ARL15: variants seen among roughly 807,000 people sequenced by gnomAD.
ARL15 encodes ARF like GTPase 15.
Under a neutral mutation model 25.2 loss-of-function variants are expected in ARL15, and 19 were observed. That is an observed-to-expected ratio of 0.75 (90% confidence interval 0.53 to 1.10). The LOEUF (loss-of-function observed/expected upper bound fraction) is 1.10, where lower values mean the gene tolerates loss of function less well. Ranked by LOEUF, ARL15 falls within the 50% of genes least tolerant of loss-of-function variation. ARL15 has a pLI of 0.00. For missense variants in ARL15, 220 were observed against 246.0 expected (o/e 0.89, Z 0.71); for synonymous variants, 94 against 86.8 (o/e 1.08, Z -0.46).
intron 3 of ARL15, among the ~76,000 whole-genome samples, chr5:54,121,989 G>A (rs1293768143): frequency 6.6e-6 from 1 of 152,054 alleles, no homozygotes; most frequent in African/African-American, 2.4e-5. Flanking sequence ...ACTACTGAAC[G>A]AAGAACTAAC....
At chr5:54,029,901 G>A (rs1293910964) in intron 4 of ARL15, among the ~76,000 whole-genome samples, 1 of 152,076 alleles carries the variant, frequency 6.6e-6, no homozygotes, top group Non-Finnish European at 1.5e-5. Flanking sequence ...GGAGGCTGAG[G>A]CAGGAGAATT....
At chr5:54,076,531 C>T (rs1751614622) in intron 4 of ARL15, among the ~76,000 whole-genome samples, 1 of 152,064 alleles carries the variant, frequency 6.6e-6, no homozygotes, top group South Asian at 2.1e-4. Context: ...TAAATCCTTT[C>T]TGATAAACTA....
chr5:53,943,308 GT>G (rs1746607003), intron 4 of ARL15, among the ~76,000 whole-genome samples: 1 of 152,180 alleles, frequency 6.6e-6, no homozygotes. Flanking sequence ...TGTGTAAAAG[GT>G]TAGTAGATTT....
intron 3 of ARL15, among the ~76,000 whole-genome samples, chr5:54,117,842 A>G (rs1054121100): frequency 1.3e-5 from 2 of 152,212 alleles, no homozygotes; most frequent in African/African-American, 4.8e-5. Flanking sequence ...TTTGTTGTCA[A>G]TGGTAAAATT....
At chr5:54,018,113 T>A (rs1171133980) in intron 4 of ARL15, among the ~76,000 whole-genome samples, 1 of 152,194 alleles carries the variant, frequency 6.6e-6, no homozygotes, top group East Asian at 1.9e-4. Context: ...AATATCTGGA[T>A]TCAAATCCAA....
At chr5:53,970,031 C>A (rs1421263716) in intron 4 of ARL15, among the ~76,000 whole-genome samples, 2 of 152,044 alleles carry the variant, frequency 1.3e-5, no homozygotes, top group African/African-American at 2.4e-5. Flanking sequence ...AGAAGTAAGT[C>A]CAAAGTGTGA....
At chr5:53,898,221 A>G (rs1420649026) in intron 4 of ARL15, among the ~76,000 whole-genome samples, 1 of 152,140 alleles carries the variant, frequency 6.6e-6, no homozygotes, top group African/African-American at 2.4e-5. Context: ...TCAAGAGTCA[A>G]ATATATTGGT....
chr5:54,033,409 C>T (rs1750058876), intron 4 of ARL15, among the ~76,000 whole-genome samples: 2 of 149,336 alleles, frequency 1.3e-5, no homozygotes, highest in South Asian at 4.3e-4. Context: ...GTGGCCCACG[C>T]CTGTGATCCC....
intron 4 of ARL15, among the ~76,000 whole-genome samples, chr5:54,087,754 A>G (rs1752016818): frequency 6.1e-5 from 1 of 16,276 alleles, no homozygotes; most frequent in South Asian, 2.0e-3. Context: ...ATATATATAT[A>G]TATTTGAGTC....
intron 1 of ARL15, among the ~76,000 whole-genome samples, chr5:54,300,289 A>G (rs1758582927): frequency 6.6e-6 from 1 of 152,256 alleles, no homozygotes; most frequent in Non-Finnish European, 1.5e-5. Flanking sequence ...TTGCTCTGTA[A>G]GCCTTCGGCC....
At chr5:54,174,288 G>A (rs1273525352) in intron 1 of ARL15, among the ~76,000 whole-genome samples, 3 of 152,082 alleles carry the variant, frequency 2.0e-5, no homozygotes, top group Admixed American at 6.5e-5. Context: ...AGCCCTCCAC[G>A]CTTCAAGAAA....
At chr5:54,145,071 C>T (rs754387664) in intron 3 of ARL15, among the ~76,000 whole-genome samples, 2 of 151,626 alleles carry the variant, frequency 1.3e-5, no homozygotes, top group Admixed American at 6.6e-5. Context: ...TTTATTGTTT[C>T]TTTTCTTACC....
At chr5:54,006,482 T>G (rs1165865755) in intron 4 of ARL15, among the ~76,000 whole-genome samples, 1 of 152,018 alleles carries the variant, frequency 6.6e-6, no homozygotes, top group Admixed American at 6.6e-5. Flanking sequence ...TTTTTTTTTT[T>G]AACATGAAAT....
chr5:54,188,952 G>T (rs1363649001), intron 1 of ARL15, among the ~76,000 whole-genome samples: 1 of 151,808 alleles, frequency 6.6e-6, no homozygotes, highest in Non-Finnish European at 1.5e-5. Flanking sequence ...CAATCTTTAG[G>T]GTTTTCTACA....
intron 1 of ARL15, among the ~76,000 whole-genome samples, chr5:54,239,943 AT>A (rs2112573247): frequency 1.3e-5 from 2 of 152,280 alleles, no homozygotes; most frequent in African/African-American, 4.8e-5. Context: ...CTAACACATC[AT>A]CGGCCGGGCG....
At chr5:54,005,884 C>CAAA (rs1749020893) in intron 4 of ARL15, among the ~76,000 whole-genome samples, 1 of 104,222 alleles carries the variant, frequency 9.6e-6, no homozygotes. Flanking sequence ...CCAAAAAAAC[C>CAAA]CAAAAATAGC....
intron 1 of ARL15, among the ~76,000 whole-genome samples, chr5:54,196,085 A>C (rs1290398804): frequency 6.6e-6 from 1 of 152,166 alleles, no homozygotes; most frequent in Non-Finnish European, 1.5e-5. Context: ...TTGTATGGCT[A>C]CCCCAAAATT....
chr5:54,265,164 TA>T (rs1169174065), intron 1 of ARL15, among the ~76,000 whole-genome samples: 3 of 152,166 alleles, frequency 2.0e-5, no homozygotes, highest in African/African-American at 7.2e-5. Flanking sequence ...AGACTTCCCC[TA>T]AAAAAACCCA....
At chr5:54,257,088 C>T (rs1757389911) in intron 1 of ARL15, among the ~76,000 whole-genome samples, 1 of 152,172 alleles carries the variant, frequency 6.6e-6, no homozygotes, top group African/African-American at 2.4e-5. Context: ...AAGTCCTAGC[C>T]AGGGCAATCA....
Sources: gnomAD v4.1 joint callset for allele counts (sites outside exome capture counted in the v4.1 genomes callset) on GRCh38, gnomAD v4.1.1 for gene constraint, MANE v1.5 for transcripts, NCBI Gene and HGNC (gene_info 2026-07-23, HGNC 2026-07-21) for gene names.